Variants in LRRC4C observed in about 807,000 individuals in gnomAD.
LRRC4C encodes the protein leucine rich repeat containing 4C, also known as leucine-rich repeat-containing protein 4C.
Under a neutral mutation model 33.6 loss-of-function variants are expected in LRRC4C, and 5 were observed. The ratio of observed to expected loss-of-function variants is 0.15; its 90% CI spans 0.08 to 0.31. LRRC4C has a LOEUF of 0.31. Among genes scored for constraint, LRRC4C ranks in the 10% least tolerant of loss-of-function variants. The pLI is 1.00. For missense variants in LRRC4C, 560 were observed against 796.7 expected, an observed-to-expected ratio of 0.70 and a Z score of 3.58; for synonymous variants, 329 against 302.0, an observed-to-expected ratio of 1.09 and a Z score of -0.93.
chr11:41,005,882 G>C (rs1854715857), intron 1 of LRRC4C, among the ~76,000 whole-genome samples: 1 of 152,100 alleles, frequency 6.6e-6, no homozygotes. Flanking sequence ...TAGTGTGAGA[G>C]AAAACACTTC....
intron 4 of LRRC4C, among the ~76,000 whole-genome samples, chr11:40,317,598 C>T (rs911932130): frequency 1.3e-5 from 2 of 152,104 alleles, no homozygotes; most frequent in African/African-American, 4.8e-5. Flanking sequence ...CTATGTGTTT[C>T]ATCAAGATAC....
intron 1 of LRRC4C, among the ~76,000 whole-genome samples, chr11:41,350,509 CA>C (rs71063914): frequency 0.49 from 51,954 of 105,858 alleles, 10,561 homozygotes; most frequent in Non-Finnish European, 0.53. Flanking sequence ...GACTCCATCT[CA>C]AAAAAAAAAA....
chr11:40,629,999 A>G (rs1963313995), intron 3 of LRRC4C, among the ~76,000 whole-genome samples: 1 of 152,120 alleles, frequency 6.6e-6, no homozygotes, highest in Admixed American at 6.5e-5. Context: ...TATCATAAAT[A>G]ATTAATCTCT....
intron 1 of LRRC4C, among the ~76,000 whole-genome samples, chr11:41,048,246 G>A (rs1381026498): frequency 3.6e-5 from 5 of 138,310 alleles, no homozygotes; most frequent in Non-Finnish European, 7.8e-5. Flanking sequence ...AAGATTTTCA[G>A]TTTAGATTCT....
At chr11:40,388,881 C>T (rs1252719636) in intron 3 of LRRC4C, among the ~76,000 whole-genome samples, 1 of 152,102 alleles carries the variant, frequency 6.6e-6, no homozygotes, top group East Asian at 1.9e-4. Flanking sequence ...CGAGGTACTG[C>T]AAAATGGAGA....
At position 40,525,132 on chromosome 11, in the gene LRRC4C, C is replaced by T. The variant is rs1028502187; in HGVS notation, c.-270+123010G>A. The stretch of plus-strand genomic sequence containing the variant: ...ATGAAAGAGATCAGCATATGTGGAA[C>T]AGAGAGAGAAATAAGGCTTAAGAAA... On this transcript the variant is annotated intron_variant, in intron 3 of 6. Coordinates refer to ENST00000528697, the MANE Select transcript of LRRC4C (RefSeq NM_001258419.2). 5.3e-5 allele frequency among the ~76,000 whole-genome samples: 8 copies of T among 151,934 alleles called. 1 individual carries two copies. Among genetic ancestry groups the T allele is most frequent in the Admixed American group, 5.3e-4 (8 of 15,236 alleles).
chr11:40,470,463 C>T (rs976909024), intron 3 of LRRC4C, among the ~76,000 whole-genome samples: 1 of 152,072 alleles, frequency 6.6e-6, no homozygotes. Flanking sequence ...TTCCAAAAAC[C>T]GGAATGTCTC....
At chr11:40,124,942 C>T (rs1396398346) in intron 6 of LRRC4C, among the ~76,000 whole-genome samples, 1 of 151,182 alleles carries the variant, frequency 6.6e-6, no homozygotes, top group African/African-American at 2.4e-5. Context: ...TACTATGTAC[C>T]CACAATAATT....
intron 5 of LRRC4C, among the ~76,000 whole-genome samples, chr11:40,148,862 G>A (rs914329735): frequency 2.0e-5 from 3 of 152,128 alleles, no homozygotes; most frequent in Non-Finnish European, 4.4e-5. Flanking sequence ...TTTGTATATG[G>A]TGTAAGGAAG....
intron 1 of LRRC4C, among the ~76,000 whole-genome samples, chr11:40,952,569 T>G (rs1356096685): frequency 6.6e-6 from 1 of 151,926 alleles, no homozygotes; most frequent in Non-Finnish European, 1.5e-5. Context: ...AATGCAAATG[T>G]AAATAATTTA....
At chr11:41,321,521 T>C (rs1950958839) in intron 1 of LRRC4C, among the ~76,000 whole-genome samples, 1 of 152,186 alleles carries the variant, frequency 6.6e-6, no homozygotes, top group African/African-American at 2.4e-5. Flanking sequence ...ATCTCTCAAA[T>C]CTGCAATCTT....
At chr11:41,351,042 C>A (rs189464561) in intron 1 of LRRC4C, among the ~76,000 whole-genome samples, 38 of 152,194 alleles carry the variant, frequency 2.5e-4, no homozygotes, top group African/African-American at 9.2e-4. Flanking sequence ...TCAGCCTGGG[C>A]AACAGGACAA....
rs117949584 is a variant in LRRC4C, at chr11:40,208,614, T to C, written c.-96+32905A>G. Among the ~76,000 whole-genome samples, 283 of 152,310 alleles carry C rather than the reference T, an allele frequency of 1.9e-3. 12 individuals are homozygous for C. The East Asian group carries it at 0.041, about 22-fold the overall frequency. On this transcript the variant is annotated intron_variant, in intron 5 of 6. Transcript: ENST00000528697. The stretch of plus-strand genomic sequence containing the variant: ...TGACAACTGAAAGCTATTTTTCCAA[T>C]GTCTGGTGCTTATATATCCCTGTTA...
At chr11:41,331,043 T>G (rs1248963466) in intron 1 of LRRC4C, among the ~76,000 whole-genome samples, 3 of 152,128 alleles carry the variant, frequency 2.0e-5, no homozygotes, top group Non-Finnish European at 2.9e-5. Context: ...ACTGGGATTA[T>G]AGTAGGGAGC....
intron 3 of LRRC4C, among the ~76,000 whole-genome samples, chr11:40,570,849 A>G (rs980115797): frequency 6.6e-6 from 1 of 152,200 alleles, no homozygotes; most frequent in Non-Finnish European, 1.5e-5. Flanking sequence ...AAAAGCATGT[A>G]ATCAAATATT....
intron 5 of LRRC4C, among the ~76,000 whole-genome samples, chr11:40,192,266 C>T (rs1159179740): frequency 6.6e-6 from 1 of 151,940 alleles, no homozygotes; most frequent in Non-Finnish European, 1.5e-5. Context: ...CAGTGAGGTA[C>T]CTGGTTCATC....
chr11:40,845,406 C>T (rs1046423614), intron 2 of LRRC4C, among the ~76,000 whole-genome samples: 1 of 152,110 alleles, frequency 6.6e-6, no homozygotes, highest in Non-Finnish European at 1.5e-5. Flanking sequence ...ACCTGATTGC[C>T]CTGGCCAGAA....
chr11:40,902,230 T>C (rs1296845757), intron 2 of LRRC4C, among the ~76,000 whole-genome samples: 1 of 152,134 alleles, frequency 6.6e-6, no homozygotes, highest in Non-Finnish European at 1.5e-5. Flanking sequence ...ATTATTATTA[T>C]ATCTGTTATG....
chr11:41,046,021 G>A (rs529976296), intron 1 of LRRC4C, among the ~76,000 whole-genome samples: 1 of 152,006 alleles, frequency 6.6e-6, no homozygotes, highest in African/African-American at 2.4e-5. Context: ...CCAGTAGAAA[G>A]AAAAAGACAA....
Sources: gnomAD v4.1 joint callset for allele counts (sites outside exome capture counted in the v4.1 genomes callset) on GRCh38, gnomAD v4.1.1 for gene constraint, MANE v1.5 for transcripts, NCBI Gene and HGNC (gene_info 2026-07-23, HGNC 2026-07-21) for gene names.